ADK: variants seen among roughly 807,000 people sequenced by gnomAD.
The protein encoded by ADK is adenosine kinase, also known as N6,N6-dimethyladenosine kinase.
ADK carries 24 observed loss-of-function variants against 44.7 expected under a neutral mutation model. That is an observed-to-expected ratio of 0.54 (90% CI 0.39 to 0.76). The LOEUF is 0.76. ADK is among the 30% of genes least tolerant of loss of function. The pLI is 0.00. For missense variants in ADK, 321 were observed against 425.1 expected (o/e 0.76, Z 2.15); for synonymous variants, 128 against 142.6 (o/e 0.90, Z 0.73).
intron 3 of ADK, among the ~76,000 whole-genome samples, chr10:74,248,326 A>C (rs546472242): frequency 3.2e-4 from 48 of 152,234 alleles, no homozygotes; most frequent in African/African-American, 1.1e-3. Flanking sequence ...CAAATGAATC[A>C]GTAGATGGAG....
chr10:74,691,215 TAAAC>T (rs1344268135), intron 10 of ADK, among the ~76,000 whole-genome samples: 4 of 151,998 alleles, frequency 2.6e-5, no homozygotes, highest in Non-Finnish European at 5.9e-5. Context: ...AGATGGAAAA[TAAAC>T]AAATAATTGA....
intron 6 of ADK, among the ~76,000 whole-genome samples, chr10:74,480,230 T>TTTC (rs1564745926): frequency 7.5e-5 from 4 of 53,622 alleles, no homozygotes; most frequent in Non-Finnish European, 2.3e-4. Flanking sequence ...TTCTTTCTTT[T>TTTC]TTTTTTTTTT....
At chr10:74,504,019 C>T (rs1385103481) in intron 6 of ADK, among the ~76,000 whole-genome samples, 1 of 152,162 alleles carries the variant, frequency 6.6e-6, no homozygotes, top group Non-Finnish European at 1.5e-5. Flanking sequence ...CTGAACCATG[C>T]TCAAGAAGGG....
chr10:74,332,527 T>G (rs1592058997), intron 4 of ADK, among the ~76,000 whole-genome samples: 2 of 152,288 alleles, frequency 1.3e-5, no homozygotes, highest in East Asian at 1.9e-4. Flanking sequence ...AAAAGCATGG[T>G]TTGTGTATTG....
At chr10:74,196,654 A>G (rs540118132) in intron 1 of ADK, among the ~76,000 whole-genome samples, 14 of 152,220 alleles carry the variant, frequency 9.2e-5, no homozygotes, top group Non-Finnish European at 2.1e-4. Context: ...GTCTGTCCCT[A>G]TACTTTCAGT....
At chr10:74,356,014 T>TTTTTTTTTTTTTTTTTTTTG (rs1554847186) in intron 4 of ADK, among the ~76,000 whole-genome samples, 46 of 128,214 alleles carry the variant, frequency 3.6e-4, no homozygotes, top group South Asian at 1.3e-3. Flanking sequence ...TTTTTTTTTT[T>TTTTTTTTTTTTTTTTTTTTG]TTTTTTTTTT....
intron 6 of ADK, among the ~76,000 whole-genome samples, chr10:74,462,855 T>TAGG (rs1423285456): frequency 6.6e-6 from 1 of 152,150 alleles, no homozygotes; most frequent in African/African-American, 2.4e-5. Context: ...ATATTAAGGA[T>TAGG]AGGCTATTGA....
At chr10:74,690,958 G>A (rs1855970581) in intron 10 of ADK, among the ~76,000 whole-genome samples, 1 of 152,190 alleles carries the variant, frequency 6.6e-6, no homozygotes, top group South Asian at 2.1e-4. Context: ...TATAGAAGCA[G>A]TCATGGCATG....
chr10:74,172,444 T>G (rs1327966015), intron 1 of ADK, among the ~76,000 whole-genome samples: 1 of 151,964 alleles, frequency 6.6e-6, no homozygotes, highest in African/African-American at 2.4e-5. Context: ...ATCCCAGCAT[T>G]TTGGGAGGCC....
chr10:74,350,731 G>T (rs1252944697), intron 4 of ADK, among the ~76,000 whole-genome samples: 6 of 152,138 alleles, frequency 3.9e-5, no homozygotes, highest in African/African-American at 1.4e-4. Flanking sequence ...TTATAAAGTG[G>T]ATATCACCAC....
rs769097993 is a variant in ADK at position 74,394,331 on chromosome 10, G to A, written c.446+18G>A. On this transcript the variant is annotated intron_variant, in intron 5 of 10. Coordinates refer to ENST00000539909, the MANE Select transcript of ADK (RefSeq NM_006721.4). Reference sequence around the variant, plus strand: ...GACAACAGGTCAGTGTAATTCCAAGGGAACCACTATACTAATTGGCTATTT... The same window carrying A: ...GACAACAGGTCAGTGTAATTCCAAGAGAACCACTATACTAATTGGCTATTT... 6.2e-7 allele frequency: 1 copy of A among 1,612,016 alleles called. No individual in the cohort carries two copies. The highest frequency in any genetic ancestry group is 1.1e-5 in the South Asian group (1 of 91,020).
intron 1 of ADK, among the ~76,000 whole-genome samples, chr10:74,174,120 C>T (rs1389151126): frequency 1.3e-5 from 2 of 150,058 alleles, no homozygotes; most frequent in South Asian, 2.1e-4. Flanking sequence ...CTGGCCAACA[C>T]GGTGAAACCT....
intron 10 of ADK, among the ~76,000 whole-genome samples, chr10:74,672,007 C>T (rs1331271365): frequency 1.3e-5 from 2 of 152,172 alleles, no homozygotes; most frequent in East Asian, 3.8e-4. Context: ...TCTTAGGATA[C>T]TGAGGTAGGA....
chr10:74,272,142 A>G (rs913285679), intron 3 of ADK, among the ~76,000 whole-genome samples: 4 of 152,234 alleles, frequency 2.6e-5, no homozygotes, highest in Non-Finnish European at 5.9e-5. Context: ...AATGTTATAT[A>G]TAAAATTAAT....
At chr10:74,273,286 A>G (rs1033506037) in intron 3 of ADK, among the ~76,000 whole-genome samples, 1 of 152,094 alleles carries the variant, frequency 6.6e-6, no homozygotes, top group Non-Finnish European at 1.5e-5. Context: ...TTATCCTGCA[A>G]TCAAGCAAGA....
chr10:74,349,684 GAC>G (rs1194517052), intron 4 of ADK, among the ~76,000 whole-genome samples: 1 of 151,862 alleles, frequency 6.6e-6, no homozygotes, highest in Non-Finnish European at 1.5e-5. Context: ...CACTTGCAAA[GAC>G]ACACATAGGC....
intron 9 of ADK, among the ~76,000 whole-genome samples, chr10:74,639,859 A>G (rs1367998804): frequency 6.6e-6 from 1 of 151,928 alleles, no homozygotes; most frequent in Non-Finnish European, 1.5e-5. Flanking sequence ...CTCCATCTCA[A>G]AACAAAAAAC....
At chr10:74,437,674 C>G (rs1009674930) in intron 6 of ADK, among the ~76,000 whole-genome samples, 3 of 152,162 alleles carry the variant, frequency 2.0e-5, no homozygotes, top group South Asian at 2.1e-4. Context: ...ACTTTTTAAC[C>G]CTTTCAAACC....
chr10:74,466,490 G>A (rs535777436), intron 6 of ADK, among the ~76,000 whole-genome samples: 1 of 152,150 alleles, frequency 6.6e-6, no homozygotes, highest in East Asian at 1.9e-4. Flanking sequence ...AAAGGCCTTG[G>A]CAAGAGTTGG....
Sources: allele counts gnomAD v4.1 joint callset (sites outside exome capture counted in the v4.1 genomes callset), GRCh38; gene constraint gnomAD v4.1.1; transcripts MANE v1.5; gene names NCBI Gene and HGNC (gene_info 2026-07-23, HGNC 2026-07-21).